NPAS3: variants seen among roughly 807,000 people sequenced by gnomAD.
NPAS3 encodes neuronal PAS domain-containing protein 3.
In NPAS3, 14 loss-of-function variants were observed where a neutral mutation model predicts 73.1. That is an observed-to-expected ratio of 0.19 (90% CI 0.13 to 0.30). NPAS3 has a LOEUF of 0.30. NPAS3 is among the 10% of genes least tolerant of loss of function. NPAS3 has a pLI of 1.00. For missense variants in NPAS3, 1,096 were observed against 1,250.0 expected (o/e 0.88, Z 1.86); for synonymous variants, 620 against 541.5 (o/e 1.14, Z -2.01).
rs200243463 is a variant in NPAS3 at position 33,606,074 on chromosome 14, A to T, written c.558+45864A>T. On this transcript the variant is annotated intron_variant, in intron 5 of 11. Coordinates refer to ENST00000356141, the Ensembl canonical transcript of NPAS3. ...ATTTATAGGCAGCTGACTTTCTTTT[A>T]TTATTATTATTATTATTATTTAAGT... Among the ~76,000 whole-genome samples the T allele has an allele frequency of 7.8e-3, 717 of 91,544 alleles. 30 individuals carry two copies. In the East Asian group the frequency reaches 0.15, roughly 19 times the overall value. 60.1% of individuals were successfully genotyped at this position (91,544 alleles called of 152,430 possible).
intron 4 of NPAS3, among the ~76,000 whole-genome samples, chr14:33,554,655 T>C (rs1486870798): frequency 2.0e-5 from 3 of 152,192 alleles, no homozygotes; most frequent in African/African-American, 7.2e-5. Context: ...TTCCCCCTTC[T>C]GTACTGGAAT....
chr14:33,666,336 C>G (rs1245516693), intron 5 of NPAS3, among the ~76,000 whole-genome samples: 1 of 152,210 alleles, frequency 6.6e-6, no homozygotes, highest in African/African-American at 2.4e-5. Flanking sequence ...CCTGTCCTTA[C>G]TCATTCTTTT....
chr14:33,398,066 C>G (rs2047298774), intron 4 of NPAS3, among the ~76,000 whole-genome samples: 1 of 152,130 alleles, frequency 6.6e-6, no homozygotes. Flanking sequence ...CATTCTTCTC[C>G]TTTCTCCCTC....
intron 5 of NPAS3, among the ~76,000 whole-genome samples, chr14:33,674,563 C>G (rs992252745): frequency 9.9e-5 from 15 of 152,114 alleles, no homozygotes; most frequent in African/African-American, 3.6e-4. Context: ...TCCATGTAAT[C>G]CCCCCCTCCC....
chr14:33,486,460 A>T (rs1379041826), intron 4 of NPAS3, among the ~76,000 whole-genome samples: 1 of 152,120 alleles, frequency 6.6e-6, no homozygotes. Context: ...CACTTATCTT[A>T]CCAGAAGCAA....
At chr14:33,215,826 G>T (rs929742271) in intron 3 of NPAS3, among the ~76,000 whole-genome samples, 1 of 152,178 alleles carries the variant, frequency 6.6e-6, no homozygotes, top group Non-Finnish European at 1.5e-5. Flanking sequence ...AAGGCAGGGA[G>T]CATAGCTCTT....
intron 2 of NPAS3, among the ~76,000 whole-genome samples, chr14:33,173,092 T>C (rs1275603199): frequency 2.0e-5 from 3 of 152,346 alleles, no homozygotes; most frequent in East Asian, 1.9e-4. Flanking sequence ...ACTCCTGCCT[T>C]ATATGTTGCT....
At chr14:33,418,182 C>T (rs894964616) in intron 4 of NPAS3, among the ~76,000 whole-genome samples, 12 of 151,824 alleles carry the variant, frequency 7.9e-5, no homozygotes, top group African/African-American at 2.7e-4. Flanking sequence ...GTTGATAGGG[C>T]CCTACCTAAC....
chr14:33,585,919 T>C (rs1367938036), intron 5 of NPAS3: 1 of 152,140 alleles, frequency 6.6e-6, no homozygotes, highest in Non-Finnish European at 1.5e-5. Context: ...TTATGCCTTT[T>C]TAGTTTTATT....
intron 2 of NPAS3, among the ~76,000 whole-genome samples, chr14:33,176,383 C>T (rs891891359): frequency 6.6e-6 from 1 of 152,190 alleles, no homozygotes; most frequent in African/African-American, 2.4e-5. Context: ...CTTATCCCTC[C>T]TTTCCCTACC....
At chr14:33,385,882 C>G (rs1462387741) in intron 4 of NPAS3, among the ~76,000 whole-genome samples, 1 of 152,172 alleles carries the variant, frequency 6.6e-6, no homozygotes, top group Non-Finnish European at 1.5e-5. Context: ...AGACAGCTGT[C>G]AAAATCACTG....
chr14:33,076,621 A>G (rs1489064648), intron 2 of NPAS3, among the ~76,000 whole-genome samples: 2 of 152,176 alleles, frequency 1.3e-5, no homozygotes, highest in Admixed American at 6.5e-5. Context: ...TTGAGTTCCC[A>G]TAGGGTATAG....
intron 3 of NPAS3, among the ~76,000 whole-genome samples, chr14:33,242,552 A>G (rs2048245341): frequency 6.6e-6 from 1 of 152,144 alleles, no homozygotes; most frequent in African/African-American, 2.4e-5. Flanking sequence ...GCCTTTTCAA[A>G]TGTCTTAGTC....
At chr14:33,051,044 G>A (rs540227436) in intron 1 of NPAS3, among the ~76,000 whole-genome samples, 3 of 151,990 alleles carry the variant, frequency 2.0e-5, no homozygotes, top group Non-Finnish European at 2.9e-5. Context: ...GGAGGCCGAG[G>A]CGGGTGGATC....
At chr14:33,086,875 C>T (rs1251730682) in intron 2 of NPAS3, among the ~76,000 whole-genome samples, 3 of 151,914 alleles carry the variant, frequency 2.0e-5, no homozygotes, top group Non-Finnish European at 4.4e-5. Context: ...TGCTAATTCT[C>T]CATGCATTGC....
At chr14:33,725,968 C>T (rs1223038870) in intron 6 of NPAS3, among the ~76,000 whole-genome samples, 3 of 152,040 alleles carry the variant, frequency 2.0e-5, no homozygotes, top group African/African-American at 7.2e-5. Context: ...TCTCTCCCTC[C>T]ACCTCCCACT....
At position 33,670,109 on chromosome 14, in the gene NPAS3, A is replaced by AT. The variant is rs1482295039; in HGVS notation, c.559-6101dup. 3.8e-4 allele frequency among the ~76,000 whole-genome samples: 58 copies of AT among 152,280 alleles called. 1 individual carries two copies. In the East Asian group the frequency reaches 0.011, roughly 29 times the overall value. ...CAGGCACTCCCGGAGTGATAGAAAA[A>AT]TGTACGTACAACAAAAAACGTACTT... is the stretch of plus-strand genomic sequence containing the variant. On this transcript the variant is annotated intron_variant, in intron 5 of 11. Coordinates refer to ENST00000356141, the Ensembl canonical transcript of NPAS3.
intron 2 of NPAS3, among the ~76,000 whole-genome samples, chr14:33,132,067 A>G (rs1300917090): frequency 6.6e-6 from 1 of 152,146 alleles, no homozygotes; most frequent in African/African-American, 2.4e-5. Context: ...TCATGTATTC[A>G]TTTAAACTGT....
At chr14:33,427,138 G>A (rs2048587206) in intron 4 of NPAS3, among the ~76,000 whole-genome samples, 1 of 151,998 alleles carries the variant, frequency 6.6e-6, no homozygotes, top group South Asian at 2.1e-4. Context: ...ATTTCTTAAT[G>A]TACTTGATAA....
Sources: gnomAD v4.1 joint callset for allele counts (sites outside exome capture counted in the v4.1 genomes callset) on GRCh38, gnomAD v4.1.1 for gene constraint, MANE v1.5 for transcripts, NCBI Gene and HGNC (gene_info 2026-07-23, HGNC 2026-07-21) for gene names.